Variants in ZEB2 observed in about 807,000 individuals in gnomAD.
The protein encoded by ZEB2 is zinc finger E-box binding homeobox 2.
In ZEB2, 6 loss-of-function variants were observed where a neutral mutation model predicts 99.9. That is an observed-to-expected ratio of 0.06 (90% CI 0.03 to 0.12). The LOEUF is 0.12. Among genes scored for constraint, ZEB2 ranks in the 10% least tolerant of loss-of-function variants. ZEB2 has a pLI of 1.00. For synonymous variants in ZEB2, 517 were observed against 542.5 expected (o/e 0.95, Z 0.65); for missense variants, 969 against 1,502.8 (o/e 0.64, Z 5.87).
chr2:144,480,607 C>G (rs569847602), intron 2 of ZEB2, among the ~76,000 whole-genome samples: 2 of 152,114 alleles, frequency 1.3e-5, no homozygotes, highest in East Asian at 3.9e-4. Context: ...AGCTCTATTA[C>G]GCTATAAGTG....
intron 2 of ZEB2, among the ~76,000 whole-genome samples, chr2:144,510,536 G>GAATA (rs1705017438): frequency 1.3e-5 from 2 of 152,276 alleles, no homozygotes; most frequent in East Asian, 3.9e-4. Context: ...GGGTGGCCAT[G>GAATA]AATAGTACAG....
At chr2:144,401,382 G>T in intron 6 of ZEB2, 75 bp from the exon 7 acceptor site, 1 of 1,472,166 alleles carries the variant, frequency 6.8e-7, no homozygotes. Flanking sequence ...ATTTTTAAAA[G>T]GCCTCTGTTT....
intron 2 of ZEB2, chr2:144,495,106 A>G (rs1419920848): frequency 6.6e-6 from 1 of 152,224 alleles, no homozygotes; most frequent in African/African-American, 2.4e-5. Flanking sequence ...TGCTCCAAGC[A>G]AGGAAATTCT....
chr2:144,517,794 G>A (rs1705187145), intron 1 of ZEB2: 6 of 663,982 alleles, frequency 9.0e-6, no homozygotes, highest in Non-Finnish European at 1.6e-5. Context: ...CTTGGGGTGA[G>A]GCGAGGTTTT....
At chr2:144,424,896 G>T (rs1254683626) in intron 3 of ZEB2, 29 bp from the exon 4 acceptor site, 12 of 1,610,606 alleles carry the variant, frequency 7.5e-6, no homozygotes, top group Non-Finnish European at 9.3e-6. Flanking sequence ...TTTAGCATTT[G>T]AGAATTGTAG....
intron 2 of ZEB2, among the ~76,000 whole-genome samples, chr2:144,441,462 G>T (rs1703917261): frequency 6.6e-6 from 1 of 151,272 alleles, no homozygotes; most frequent in African/African-American, 2.4e-5. Flanking sequence ...GAAAAGAGAG[G>T]CCAAATCATA....
At chr2:144,519,366 A>G (rs1705228397) in intron 1 of ZEB2, 1 of 151,774 alleles carries the variant, frequency 6.6e-6, no homozygotes, top group Non-Finnish European at 1.5e-5. Context: ...AAAGAAATGA[A>G]ACTCGCTAAG....
intron 5 of ZEB2, among the ~76,000 whole-genome samples, chr2:144,404,556 A>G (rs1703358397): frequency 6.6e-6 from 1 of 152,212 alleles, no homozygotes; most frequent in Non-Finnish European, 1.5e-5. Context: ...CCTCAAAAGT[A>G]AAATATTTCA....
intron 2 of ZEB2, among the ~76,000 whole-genome samples, chr2:144,456,704 C>CT (rs1386616659): frequency 6.6e-6 from 1 of 152,036 alleles, no homozygotes; most frequent in Admixed American, 6.6e-5. Context: ...AAAACAACCC[C>CT]TTGGTCTTAG....
At chr2:144,489,114 T>C (rs1365779047) in intron 2 of ZEB2, among the ~76,000 whole-genome samples, 3 of 152,184 alleles carry the variant, frequency 2.0e-5, no homozygotes, top group Non-Finnish European at 2.9e-5. Context: ...TTTACACGAG[T>C]GCTATTTAAC....
chr2:144,500,747 C>T (rs1373166794), intron 2 of ZEB2, among the ~76,000 whole-genome samples: 1 of 152,136 alleles, frequency 6.6e-6, no homozygotes, highest in Non-Finnish European at 1.5e-5. Context: ...TGTACTAGGC[C>T]TGGGAGCTGG....
intron 2 of ZEB2, chr2:144,513,582 G>T (rs774284123): frequency 6.5e-7 from 1 of 1,528,758 alleles, no homozygotes. Context: ...GTCTCTGTGA[G>T]ATTTTTCAGA....
At chr2:144,487,190 A>G (rs558086698) in intron 2 of ZEB2, among the ~76,000 whole-genome samples, 14 of 152,170 alleles carry the variant, frequency 9.2e-5, no homozygotes, top group Non-Finnish European at 2.1e-4. Context: ...GATAAGAACA[A>G]CTTCTGCTCA....
At chr2:144,424,505 A>G (rs1703663808) in intron 4 of ZEB2, 2 of 601,860 alleles carry the variant, frequency 3.3e-6, no homozygotes, top group Admixed American at 2.0e-5. Flanking sequence ...TTTAAAATAA[A>G]AGTTACTACT....
At chr2:144,410,480 T>A (rs934641728) in intron 4 of ZEB2, among the ~76,000 whole-genome samples, 6 of 152,242 alleles carry the variant, frequency 3.9e-5, no homozygotes, top group Non-Finnish European at 8.8e-5. Context: ...ATTCAAGCGA[T>A]GTTAACAGAA....
At chr2:144,391,234 C>G (rs1223466574) in intron 9 of ZEB2, among the ~76,000 whole-genome samples, 1 of 152,174 alleles carries the variant, frequency 6.6e-6, no homozygotes, top group Non-Finnish European at 1.5e-5. Flanking sequence ...GGGCATGCCA[C>G]TATTCGGAAA....
chr2:144,449,851 T>G (rs75108737), intron 2 of ZEB2: 2 of 152,346 alleles, frequency 1.3e-5, no homozygotes, highest in Non-Finnish European at 2.9e-5. Context: ...GCCCTTAAGA[T>G]GTCCAGCTTA....
At chr2:144,491,520 G>C (rs1704681928) in intron 2 of ZEB2, among the ~76,000 whole-genome samples, 1 of 152,158 alleles carries the variant, frequency 6.6e-6, no homozygotes, top group Non-Finnish European at 1.5e-5. Flanking sequence ...CAGACTTTTT[G>C]TTGTGGTGGT....
rs1703746463 is a variant in ZEB2 at position 144,429,901 on chromosome 2, T to G, written c.199A>C (p.Asn67His). The G allele has an allele frequency of 1.2e-6, 2 of 1,613,880 alleles. No individual in the cohort carries two copies. The highest frequency in any genetic ancestry group is 1.7e-6 in the Non-Finnish European group (2 of 1,179,882). Residue 67 changes from asparagine (N) to histidine (H), a missense_variant, in exon 3 of 10, where the codon AAC (asparagine) becomes CAC (histidine). Around this residue, in one of 8 missense-constraint regions of ZEB2, gnomAD observed 173 missense variants for 217.7 expected, o/e 0.79. Coordinates refer to ENST00000627532, the MANE Select transcript of ZEB2 (RefSeq NM_014795.4). ...CTCACGTGTGGGGAGGACTCATGGT[T>G]GGGCACACTAGCTGGACTCGTCTCC... ...DQETSPASVP[N>H]HESSPHVSQA... is the part of the protein sequence containing the mutation.
Sources: allele counts gnomAD v4.1 joint callset (sites outside exome capture counted in the v4.1 genomes callset), GRCh38; gene constraint gnomAD v4.1.1; regional missense constraint gnomAD v4.1.1; transcripts MANE v1.5; gene names NCBI Gene and HGNC (gene_info 2026-07-23, HGNC 2026-07-21).